Variants in TSSK3 observed in about 807,000 individuals in gnomAD.
TSSK3 encodes testis-specific serine/threonine-protein kinase 3.
Under a neutral mutation model 18.9 loss-of-function variants are expected in TSSK3, and 16 were observed. The ratio of observed to expected loss-of-function variants is 0.85; its 90% CI spans 0.57 to 1.28. The LOEUF (loss-of-function observed/expected upper bound fraction) is 1.28. TSSK3 is among the 50% of genes most tolerant of loss of function. The probability of loss-of-function intolerance (pLI) is 0.00; values close to 1 mark genes in which losing one functional copy is unlikely to be tolerated. For synonymous variants in TSSK3, 146 were observed against 133.9 expected (o/e 1.09, Z -0.62); for missense variants, 345 against 341.0 (o/e 1.01, Z -0.09).
In TSSK3 at chr1:32,363,771, G is replaced by C. The variant is rs1641756525; in HGVS notation, c.322G>C (p.Glu108Gln). Residue 108 changes from glutamate to glutamine, a missense_variant, in exon 2 of 2, where the codon GAA (glutamate) becomes CAA (glutamine). Glu to Gln is a conservative substitution (Grantham distance 29, BLOSUM62 2). Coordinates refer to ENST00000373534, the MANE Select transcript of TSSK3 (RefSeq NM_052841.4). ...CGTGCTGAATGGGGGGCCACTGCCT[G>C]AAAGCCGGGCCAAGGCCCTCTTCCG... is the stretch of plus-strand genomic sequence containing the variant. Reference protein sequence around the residue: ...DCVLNGGPLPESRAKALFRQM... With the variant: ...DCVLNGGPLPQSRAKALFRQM... 1.9e-6 allele frequency: 3 copies of C among 1,614,256 alleles called. No individual in the cohort carries two copies. The highest frequency in any genetic ancestry group is 2.5e-6 in the Non-Finnish European group (3 of 1,180,042).
At position 32,364,181 on chromosome 1, in the gene TSSK3, G is replaced by A. The variant is rs906366941; in HGVS notation, c.732G>A (p.Arg244=). 1 of 1,613,688 alleles carries A rather than the reference G, an allele frequency of 6.2e-7. No homozygotes were observed. The highest frequency in any genetic ancestry group is 1.3e-5 in the African/African-American group (1 of 74,888). Reference sequence around the variant, plus strand: ...CCGATTGCCAGGACCTGCTCAAGAGGCTCCTGGAACCCGATATGATCCTCC... The same window carrying A: ...CCGATTGCCAGGACCTGCTCAAGAGACTCCTGGAACCCGATATGATCCTCC... The part of the protein sequence containing the change: ...ISADCQDLLK[R]LLEPDMILRP... The change falls in exon 2 of 2, where the codon AGG becomes AGA. Residue 244 remains arginine, a synonymous_variant. Coordinates refer to ENST00000373534, the MANE Select transcript of TSSK3 (RefSeq NM_052841.4).
rs370086167 is a variant in TSSK3 at position 32,364,051 on chromosome 1, A to G, written c.602A>G (p.Tyr201Cys). The change falls in exon 2 of 2, where the codon TAT (tyrosine) becomes TGT (cysteine). Residue 201 changes from tyrosine to cysteine, a missense_variant. Coordinates refer to ENST00000373534, the MANE Select transcript of TSSK3 (RefSeq NM_052841.4). ...GTCTGGAGCATGGGTGTGGTCCTGT[A>G]TGTCATGCTCTGTGCCAGCCTACCT... is the stretch of plus-strand genomic sequence containing the variant. ...GDVWSMGVVL[Y>C]VMLCASLPFD... 1.2e-6 allele frequency: 2 copies of G among 1,614,244 alleles called. No individual in the cohort carries two copies.
chr1:32,363,008 G>A (rs1247960621), intron 1 of TSSK3, 162 bp downstream of exon 1: 2 of 761,112 alleles, frequency 2.6e-6, no homozygotes, highest in Non-Finnish European at 4.4e-6. Flanking sequence ...GGGGAACAGA[G>A]GGGTTCTGGG....
chr1:32,364,267 G>A lies in TSSK3; in HGVS notation c.*11G>A. 1 of 1,578,194 alleles carries A rather than the reference G, an allele frequency of 6.3e-7. No individual in the cohort carries two copies. The highest frequency in any genetic ancestry group is 8.6e-7 in the Non-Finnish European group (1 of 1,158,528). On this transcript the variant is annotated 3_prime_UTR_variant, in exon 2 of 2. Transcript: ENST00000373534. The stretch of plus-strand genomic sequence containing the variant: ...CTAGCAAGCACTTGATAAAAGCAAT[G>A]GCAAGTGCTCTCCAATAAAGTAGGG...
chr1:32,363,290 A>C, intron 1 of TSSK3: 1 of 400,032 alleles, frequency 2.5e-6, no homozygotes, highest in Non-Finnish European at 4.5e-6. Context: ...CAGGCCTTAT[A>C]ATTTGTGATT....
rs771367255 is a variant in TSSK3, at chr1:32,364,266, T to C, written c.*10T>C. The C allele has an allele frequency of 1.9e-6, 3 of 1,578,402 alleles. No homozygotes were observed. The highest frequency in any genetic ancestry group is 2.3e-5 in the South Asian group (2 of 87,726). ...GCTAGCAAGCACTTGATAAAAGCAA[T>C]GGCAAGTGCTCTCCAATAAAGTAGG... On this transcript the variant is annotated 3_prime_UTR_variant, in exon 2 of 2. Coordinates refer to ENST00000373534, the MANE Select transcript of TSSK3 (RefSeq NM_052841.4).
chr1:32,363,460 C>A, intron 1 of TSSK3, 135 bp from the exon 2 acceptor site: 1 of 788,394 alleles, frequency 1.3e-6, no homozygotes, highest in Non-Finnish European at 2.0e-6. Flanking sequence ...AGCAGCTAGA[C>A]ACACTTAAGA....
rs1250656193 is a variant in TSSK3, at chr1:32,362,666, A to G, written c.-36A>G. On this transcript the variant is annotated 5_prime_UTR_variant, in exon 1 of 2. Transcript: ENST00000373534. ...AGAGCTGCCTCTCAGAGGCAGCATG[A>G]GCTGAGAGGGTGATAGGAAGGCGGC... 1 of 1,611,170 alleles carries G rather than the reference A, an allele frequency of 6.2e-7. No individual in the cohort carries two copies.
Position 32,362,824 on chromosome 1 carries a change from A to T in TSSK3, c.123A>T (p.Ile41=). 6.2e-7 allele frequency: 1 copy of T among 1,614,208 alleles called. No homozygotes were observed. Among genetic ancestry groups the T allele is most frequent in the Non-Finnish European group, 8.5e-7 (1 of 1,180,030 alleles). ...KHQRKVAIKV[I]DKMGGPEEFI... ...AAAGAAAAGTGGCAATTAAAGTTATAGACAAGATGGGAGGGCCAGAAGGTG... is the reference window on the plus strand; with the variant it reads ...AAAGAAAAGTGGCAATTAAAGTTATTGACAAGATGGGAGGGCCAGAAGGTG... The change falls in exon 1 of 2, where the codon ATA becomes ATT. Residue 41 remains isoleucine (I), a synonymous_variant. Transcript: ENST00000373534.
Position 32,363,821 on chromosome 1 carries a change from C to T in TSSK3, c.372C>T (p.Tyr124=), listed in dbSNP as rs1198968078. The part of the protein sequence containing the change: ...LFRQMVEAIR[Y]CHGCGVAHRD... ...GTCAGATGGTTGAGGCCATCCGCTA[C>T]TGCCATGGCTGTGGTGTGGCCCACC... is the stretch of plus-strand genomic sequence containing the variant. The change falls in exon 2 of 2, where the codon TAC becomes TAT. Residue 124 remains tyrosine (Y), a synonymous_variant. Transcript: ENST00000373534. The T allele has an allele frequency of 5.6e-6, 9 of 1,614,258 alleles. No individual in the cohort carries two copies. Among genetic ancestry groups the T allele is most frequent in the African/African-American group, 1.3e-5 (1 of 75,070 alleles).
At chr1:32,363,315 A>G (rs1641742952) in intron 1 of TSSK3, 2 of 444,510 alleles carry the variant, frequency 4.5e-6, no homozygotes, top group Admixed American at 3.8e-5. Flanking sequence ...GGCTTTGTCT[A>G]AAAGTCCCTA....
chr1:32,362,803 A>G lies in TSSK3; in HGVS notation c.102A>G (p.Arg34=), dbSNP rs746265615. ...AAGCATTTTCCAAAAAACACCAAAG[A>G]AAAGTGGCAATTAAAGTTATAGACA... The part of the protein sequence containing the change: ...VKEAFSKKHQ[R]KVAIKVIDKM... The change falls in exon 1 of 2, where the codon AGA becomes AGG. Residue 34 remains arginine, a synonymous_variant. Transcript: ENST00000373534. 5.0e-6 allele frequency: 8 copies of G among 1,614,184 alleles called. No homozygotes were observed. Among genetic ancestry groups the G allele is most frequent in the Non-Finnish European group, 5.9e-6 (7 of 1,180,018 alleles).
intron 1 of TSSK3, chr1:32,363,183 C>A: frequency 2.8e-6 from 1 of 353,308 alleles, no homozygotes; most frequent in South Asian, 3.9e-5. Context: ...TGCCAAGGCC[C>A]GTGGAGATGG....
At position 32,363,683 on chromosome 1, in the gene TSSK3, G is replaced by A. The variant is rs771941876; in HGVS notation, c.234G>A (p.Glu78=). 1.2e-6 allele frequency: 2 copies of A among 1,614,126 alleles called. No individual in the cohort carries two copies. The highest frequency in any genetic ancestry group is 1.7e-6 in the Non-Finnish European group (2 of 1,180,046). ...TCATCCAGGTGTATGAGATGCTGGA[G>A]TCTGCCGACGGGAAAATCTGCCTGG... ...KNIIQVYEML[E]SADGKICLVM... Residue 78 remains glutamate, a synonymous_variant, in exon 2 of 2, where the codon GAG becomes GAA. Transcript: ENST00000373534.
chr1:32,362,746 C>G lies in TSSK3; in HGVS notation c.45C>G (p.Thr15=). The G allele has an allele frequency of 6.2e-7, 1 of 1,614,098 alleles. No homozygotes were observed. The change falls in exon 1 of 2, where the codon ACC becomes ACG. Residue 15 remains threonine, a synonymous_variant. Coordinates refer to ENST00000373534, the MANE Select transcript of TSSK3 (RefSeq NM_052841.4). ...CCAATGGGTACCAGCTGGGCAAGAC[C>G]ATTGGGGAAGGGACCTACTCAAAAG... The part of the protein sequence containing the change: ...LLSNGYQLGK[T]IGEGTYSKVK...
chr1:32,363,576 C>A lies in TSSK3; in HGVS notation c.146-19C>A. 6.3e-7 allele frequency: 1 copy of A among 1,595,546 alleles called. No individual in the cohort carries two copies. The highest frequency in any genetic ancestry group is 1.3e-5 in the African/African-American group (1 of 74,744). Reference sequence around the variant, plus strand: ...CTTTCTGATCTGCCAGCCCATCTCTCCTCCCCTTACTTCCTCAGAGTTTAT... The same window carrying A: ...CTTTCTGATCTGCCAGCCCATCTCTACTCCCCTTACTTCCTCAGAGTTTAT... On this transcript the variant is annotated intron_variant, in intron 1 of 1. Coordinates refer to ENST00000373534, the MANE Select transcript of TSSK3 (RefSeq NM_052841.4).
At chr1:32,363,277 A>C in intron 1 of TSSK3, 1 of 392,378 alleles carries the variant, frequency 2.5e-6, no homozygotes, top group South Asian at 3.3e-5. Flanking sequence ...CCTGTGGACA[A>C]ATCAGGCCTT....
chr1:32,362,567 T>C lies in TSSK3; in HGVS notation c.-135T>C. ...CCCGCCGCTGTGTCCAGACAGAGAA[T>C]GTTCTAACGCTGGGGGCGGCTGCGG... On this transcript the variant is annotated 5_prime_UTR_variant, in exon 1 of 2. An upstream start codon of the reference 5' UTR is lost. Transcript: ENST00000373534. The C allele has an allele frequency of 9.7e-7, 1 of 1,027,116 alleles. No individual in the cohort carries two copies. The highest frequency in any genetic ancestry group is 2.6e-5 in the Admixed American group (1 of 38,962). 63.6% of individuals were successfully genotyped at this position (1,027,116 alleles called of 1,614,324 possible). A position where few individuals can be genotyped will look rare whatever the true frequency, so the allele number is the denominator to read the frequency against.
At position 32,362,556 on chromosome 1, in the gene TSSK3, C is replaced by T. The variant is rs1641723281; in HGVS notation, c.-146C>T. The T allele has an allele frequency of 2.1e-6, 2 of 942,630 alleles. No homozygotes were observed. The allele number at this position is 942,630 out of a possible 1,614,324, so 58.4% of individuals were successfully genotyped here. A position where few individuals can be genotyped will look rare whatever the true frequency, so the allele number is the denominator to read the frequency against. On this transcript the variant is annotated 5_prime_UTR_variant, in exon 1 of 2. Coordinates refer to ENST00000373534, the MANE Select transcript of TSSK3 (RefSeq NM_052841.4). ...CCTCCCCACCACCCGCCGCTGTGTC[C>T]AGACAGAGAATGTTCTAACGCTGGG...
Sources: allele counts gnomAD v4.1 joint callset, GRCh38; gene constraint gnomAD v4.1.1; transcripts MANE v1.5; gene names NCBI Gene and HGNC (gene_info 2026-07-23, HGNC 2026-07-21).